Variants in HDAC9 observed in about 807,000 individuals in gnomAD.
HDAC9 encodes histone deacetylase 9, also known as MEF-2 interacting transcription repressor (MITR) protein.
HDAC9 carries 41 observed loss-of-function variants against 139.4 expected under a neutral mutation model. The observed-to-expected ratio is 0.29, with a 90% CI of 0.23 to 0.38. The LOEUF is 0.38. Among genes scored for constraint, HDAC9 ranks in the 10% least tolerant of loss-of-function variants. The pLI, the probability that HDAC9 is intolerant of heterozygous loss-of-function variation, is 1.00. For synonymous variants in HDAC9, 517 were observed against 476.2 expected (o/e 1.09, Z -1.12); for missense variants, 1,147 against 1,297.0 (o/e 0.88, Z 1.78).
chr7:18,699,248 C>A (rs954546287), intron 12 of HDAC9, among the ~76,000 whole-genome samples: 1 of 152,182 alleles, frequency 6.6e-6, no homozygotes, highest in South Asian at 2.1e-4. Context: ...CCATGGATAT[C>A]TTTCCATGGC....
intron 1 of HDAC9, among the ~76,000 whole-genome samples, chr7:18,122,814 T>G (rs1784435198): frequency 6.6e-6 from 1 of 152,162 alleles, no homozygotes. Flanking sequence ...AGATGGGGTT[T>G]CACCATGTTG....
chr7:18,974,500 G>T (rs559814987), intron 24 of HDAC9, among the ~76,000 whole-genome samples: 1 of 152,164 alleles, frequency 6.6e-6, no homozygotes, highest in South Asian at 2.1e-4. Flanking sequence ...AAAAGCCTTA[G>T]CTTCTACAAA....
chr7:18,427,494 T>C (rs562175387), intron 1 of HDAC9, among the ~76,000 whole-genome samples: 4 of 152,170 alleles, frequency 2.6e-5, no homozygotes, highest in African/African-American at 4.8e-5. Context: ...GCAGCCTCCC[T>C]TGACTCCTCT....
At chr7:18,939,766 C>T (rs1781894970) in intron 23 of HDAC9, among the ~76,000 whole-genome samples, 1 of 152,128 alleles carries the variant, frequency 6.6e-6, no homozygotes, top group South Asian at 2.1e-4. Context: ...AGTTTCCCTC[C>T]AAACCCTTTA....
intron 14 of HDAC9, among the ~76,000 whole-genome samples, chr7:18,759,990 A>G (rs1789239450): frequency 6.6e-6 from 1 of 152,212 alleles, no homozygotes; most frequent in Admixed American, 6.5e-5. Context: ...GAAAGGAGGA[A>G]AAAATCAATG....
intron 21 of HDAC9, among the ~76,000 whole-genome samples, chr7:18,871,024 A>C (rs1390010123): frequency 1.3e-5 from 2 of 152,142 alleles, no homozygotes; most frequent in South Asian, 2.1e-4. Context: ...CCTTGTTCCA[A>C]TGGTAATTAT....
chr7:18,256,772 C>G (rs1374759382), intron 2 of HDAC9, among the ~76,000 whole-genome samples: 3 of 152,034 alleles, frequency 2.0e-5, no homozygotes, highest in Non-Finnish European at 4.4e-5. Flanking sequence ...CTTATTTGAA[C>G]AGGATTTTAA....
intron 2 of HDAC9, among the ~76,000 whole-genome samples, chr7:18,221,463 C>G (rs1792700956): frequency 6.6e-6 from 1 of 152,126 alleles, no homozygotes; most frequent in Admixed American, 6.5e-5. Context: ...AAGGGAGTAG[C>G]ATTTATGAAA....
chr7:18,387,485 G>A (rs1026429481), intron 1 of HDAC9, among the ~76,000 whole-genome samples: 1 of 152,162 alleles, frequency 6.6e-6, no homozygotes, highest in African/African-American at 2.4e-5. Context: ...ATTTTAAACA[G>A]TTGTCGTGTG....
chr7:18,639,295 A>C (rs1408590904), intron 8 of HDAC9, among the ~76,000 whole-genome samples: 1 of 151,846 alleles, frequency 6.6e-6, no homozygotes, highest in Non-Finnish European at 1.5e-5. Flanking sequence ...GATAGCAGCA[A>C]ATAAAACACG....
intron 2 of HDAC9, among the ~76,000 whole-genome samples, chr7:18,511,735 T>C (rs1801564276): frequency 6.6e-6 from 1 of 152,232 alleles, no homozygotes; most frequent in Non-Finnish European, 1.5e-5. Flanking sequence ...AGAGATTATC[T>C]TTATGCTTCA....
At chr7:18,835,836 C>T (rs982003610) in intron 20 of HDAC9, 64 bp from the exon 21 acceptor site, 3 of 1,174,142 alleles carry the variant, frequency 2.6e-6, no homozygotes, top group Non-Finnish European at 3.7e-6. Context: ...TTGTTTTCCT[C>T]TCTTCTTGCT....
chr7:18,732,737 GTGTGCGTATGTGTACACACACGTGTA>G lies in HDAC9; in HGVS notation c.1909+4985_1909+5010del, dbSNP rs1562892409. Among the ~76,000 whole-genome samples, 12 of 98,356 alleles carry G rather than the reference GTGTGCGTATGTGTACACACACGTGTA, an allele frequency of 1.2e-4. 1 individual carries two copies. The highest frequency in any genetic ancestry group is 2.1e-4 in the Non-Finnish European group (11 of 51,778). The allele number at this position is 98,356 out of a possible 152,430, so 64.5% of individuals were successfully genotyped here. A position where few individuals can be genotyped will look rare whatever the true frequency, so the allele number is the denominator to read the frequency against. ...TATGTGTACACACACACACGTGTATGTGTGCGTATGTGTACACACACGTGTATGTGTGCGTATGTGTACACACACGT... is the reference window on the plus strand; with the variant it reads ...TATGTGTACACACACACACGTGTATGTGTGTGCGTATGTGTACACACACGT... On this transcript the variant is annotated intron_variant, in intron 13 of 25. Transcript: ENST00000686413.
intron 2 of HDAC9, among the ~76,000 whole-genome samples, chr7:18,558,695 GACCACC>G (rs1819632005): frequency 6.6e-6 from 1 of 152,088 alleles, no homozygotes; most frequent in Admixed American, 6.6e-5. Flanking sequence ...CTGACTCACT[GACCACC>G]ACTTGAGCAC....
chr7:18,167,775 A>G (rs1337023140), intron 2 of HDAC9, among the ~76,000 whole-genome samples: 2 of 152,148 alleles, frequency 1.3e-5, no homozygotes, highest in Non-Finnish European at 2.9e-5. Context: ...ACTACAAAGG[A>G]GGCTGGGAAA....
chr7:18,859,869 TGA>T (rs1255878525), intron 21 of HDAC9, among the ~76,000 whole-genome samples: 45 of 94,030 alleles, frequency 4.8e-4, no homozygotes, highest in African/African-American at 1.6e-3. Flanking sequence ...TGTGAGAGAA[TGA>T]GAGAGAGAGA....
At chr7:18,836,047 A>G (rs1796212939) in intron 21 of HDAC9, 50 bp downstream of exon 21, 1 of 1,007,634 alleles carries the variant, frequency 9.9e-7, no homozygotes, top group African/African-American at 1.6e-5. Flanking sequence ...ATAAATGTCC[A>G]TTGAAATAAC....
rs547360759 is a variant in HDAC9 at position 18,705,884 on chromosome 7, G to T, written c.1732-21696G>T. On this transcript the variant is annotated intron_variant, in intron 12 of 25. Coordinates refer to ENST00000686413, the MANE Select transcript of HDAC9 (RefSeq NM_178425.4). ...AAAAATAAAATAAAATAAAATAAAA[G>T]AAATGGTTCAGACCCATAGGCATTA... Among the ~76,000 whole-genome samples the T allele has an allele frequency of 8.2e-4, 98 of 119,320 alleles. 2 individuals are homozygous for T. Among genetic ancestry groups the T allele is most frequent in the East Asian group, 5.9e-3 (21 of 3,580 alleles). 78.3% of individuals were successfully genotyped at this position (119,320 alleles called of 152,430 possible).
chr7:18,827,343 C>A (rs1795528358), intron 17 of HDAC9, among the ~76,000 whole-genome samples: 1 of 151,834 alleles, frequency 6.6e-6, no homozygotes, highest in South Asian at 2.1e-4. Context: ...GTTAATGGCA[C>A]CCTTAAGGCA....
Sources: gnomAD v4.1 joint callset for allele counts (sites outside exome capture counted in the v4.1 genomes callset) on GRCh38, gnomAD v4.1.1 for gene constraint, MANE v1.5 for transcripts, NCBI Gene and HGNC (gene_info 2026-07-23, HGNC 2026-07-21) for gene names.